The following BAG4 variants were observed in gnomAD, a reference collection of about 807,000 sequenced individuals.
BAG4 encodes the protein BAG cochaperone 4, also known as BAG family molecular chaperone regulator 4.
A neutral mutation model predicts 52.1 loss-of-function variants in BAG4; 28 were observed. The observed-to-expected ratio is 0.54, with a 90% CI of 0.40 to 0.74. The LOEUF (loss-of-function observed/expected upper bound fraction) is 0.74. Among genes scored for constraint, BAG4 ranks in the 30% least tolerant of loss-of-function variants. BAG4 has a pLI of 0.00. For synonymous variants in BAG4, 208 were observed against 217.0 expected (o/e 0.96, Z 0.37); for missense variants, 525 against 572.0 (o/e 0.92, Z 0.84).
At chr8:38,199,460 C>T (rs1803621196) in intron 2 of BAG4, among the ~76,000 whole-genome samples, 1 of 150,390 alleles carries the variant, frequency 6.6e-6, no homozygotes, top group Admixed American at 6.6e-5. Context: ...GTTGCTCCTG[C>T]TTTTGATGTC....
intron 1 of BAG4, among the ~76,000 whole-genome samples, chr8:38,182,970 A>C (rs1430750672): frequency 6.7e-6 from 1 of 149,164 alleles, no homozygotes; most frequent in Non-Finnish European, 1.5e-5. Flanking sequence ...AGTTTTGATA[A>C]ATACATACAA....
At position 38,186,717 on chromosome 8, in the gene BAG4, T is replaced by G. The variant is rs1263540247; in HGVS notation, c.271-5971T>G. ...CTGTGGAGCAATTTATGCCTCAGGG[T>G]GTTATTAAAACCAGTAGAGCAATCA... On this transcript the variant is annotated intron_variant, in intron 1 of 4. Coordinates refer to ENST00000287322, the MANE Select transcript of BAG4 (RefSeq NM_004874.4). 2.0e-5 allele frequency among the ~76,000 whole-genome samples: 3 copies of G among 152,162 alleles called. No homozygotes were observed. In the East Asian group the frequency reaches 5.8e-4, roughly 29 times the overall value.
intron 1 of BAG4, among the ~76,000 whole-genome samples, chr8:38,187,951 G>T (rs543255934): frequency 1.3e-5 from 2 of 149,920 alleles, no homozygotes; most frequent in Admixed American, 1.3e-4. Context: ...GCAGGAGAAT[G>T]GCATGAACCC....
intron 1 of BAG4, 148 bp downstream of exon 1, chr8:38,177,287 T>TG (rs1803177323): frequency 2.8e-6 from 3 of 1,079,680 alleles, no homozygotes; most frequent in Admixed American, 3.0e-5. Flanking sequence ...GATCAGAGGT[T>TG]GGGGGGACAT....
At position 38,213,060 on chromosome 8, in the gene BAG4, A is replaced by G. The variant is rs967918302; in HGVS notation, c.*2567A>G. On this transcript the variant is annotated 3_prime_UTR_variant, in exon 5 of 5. Coordinates refer to ENST00000287322, the MANE Select transcript of BAG4 (RefSeq NM_004874.4). ...CATGTTAAAATTATTCCAAATACCA[A>G]TATCAAAGAAAACTAAGTTGGTAAT... 1.4e-4 allele frequency: 21 copies of G among 152,234 alleles called. No homozygotes were observed. The highest frequency in any genetic ancestry group is 2.4e-4 in the Non-Finnish European group (16 of 68,032). 9.4% of individuals were successfully genotyped at this position (152,234 alleles called of 1,614,324 possible). A position where few individuals can be genotyped will look rare whatever the true frequency, so the allele number is the denominator to read the frequency against.
At chr8:38,178,320 A>G (rs747889870) in intron 1 of BAG4, among the ~76,000 whole-genome samples, 9 of 152,064 alleles carry the variant, frequency 5.9e-5, no homozygotes, top group Non-Finnish European at 1.3e-4. Flanking sequence ...ACACCCGGCT[A>G]ATTTTTGTAT....
At chr8:38,196,237 T>G (rs1193518808) in intron 2 of BAG4, among the ~76,000 whole-genome samples, 1 of 152,198 alleles carries the variant, frequency 6.6e-6, no homozygotes, top group Non-Finnish European at 1.5e-5. Flanking sequence ...TAACCCTATA[T>G]GTATCAATTT....
chr8:38,195,162 T>C (rs916860589), intron 2 of BAG4, among the ~76,000 whole-genome samples: 1 of 151,900 alleles, frequency 6.6e-6, no homozygotes, highest in Admixed American at 6.6e-5. Context: ...CTTTTGTTTG[T>C]TTTTTTGAGA....
chr8:38,198,166 C>T lies in BAG4; in HGVS notation c.378+5371C>T, dbSNP rs950460534. Among the ~76,000 whole-genome samples the T allele has an allele frequency of 3.3e-5, 5 of 151,588 alleles. No individual in the cohort carries two copies. The East Asian group carries it at 5.9e-4, about 18-fold the overall frequency. ...TTGGGAGGCCAAGGCGGGCAGATCACGAGGTCAGGAAATCGAGACCATCCT... is the reference window on the plus strand; with the variant it reads ...TTGGGAGGCCAAGGCGGGCAGATCATGAGGTCAGGAAATCGAGACCATCCT... On this transcript the variant is annotated intron_variant, in intron 2 of 4. Transcript: ENST00000287322.
rs536608367 is a variant in BAG4, at chr8:38,188,879, C to T, written c.271-3809C>T. Among the ~76,000 whole-genome samples the T allele has an allele frequency of 1.5e-4, 23 of 151,492 alleles. No homozygotes were observed. The East Asian group carries it at 2.3e-3, about 15-fold the overall frequency. On this transcript the variant is annotated intron_variant, in intron 1 of 4. Transcript: ENST00000287322. ...CACGATCTTGGCTCACTGCAACCTC[C>T]GCCTCCCAGGTTCAAGCAATTTTCC... is the stretch of plus-strand genomic sequence containing the variant.
chr8:38,191,748 G>A (rs1171925373), intron 1 of BAG4, among the ~76,000 whole-genome samples: 7 of 101,338 alleles, frequency 6.9e-5, no homozygotes, highest in Admixed American at 1.5e-4. Flanking sequence ...CAACAAGAGC[G>A]AAACTCTGTC....
chr8:38,195,389 A>G (rs1803547049), intron 2 of BAG4, among the ~76,000 whole-genome samples: 1 of 152,104 alleles, frequency 6.6e-6, no homozygotes, highest in Non-Finnish European at 1.5e-5. Flanking sequence ...CCTGGGCTCA[A>G]GAGATCCTCC....
At chr8:38,183,247 C>A (rs1025950313) in intron 1 of BAG4, among the ~76,000 whole-genome samples, 2 of 151,920 alleles carry the variant, frequency 1.3e-5, no homozygotes. Context: ...TGGGGTTTCA[C>A]CATGTTAGCC....
chr8:38,195,966 T>A (rs1803553938), intron 2 of BAG4, among the ~76,000 whole-genome samples: 1 of 152,212 alleles, frequency 6.6e-6, no homozygotes, highest in Non-Finnish European at 1.5e-5. Flanking sequence ...CTCTCAGGAT[T>A]TTTCTAACCA....
At chr8:38,199,817 C>T (rs991961218) in intron 2 of BAG4, among the ~76,000 whole-genome samples, 1 of 152,000 alleles carries the variant, frequency 6.6e-6, no homozygotes, top group African/African-American at 2.4e-5. Flanking sequence ...GCCACTGCGC[C>T]CAGCCCGATT....
At chr8:38,204,847 T>C (rs975715350) in intron 2 of BAG4, among the ~76,000 whole-genome samples, 2 of 152,158 alleles carry the variant, frequency 1.3e-5, no homozygotes, top group Admixed American at 6.6e-5. Flanking sequence ...ATTTCAGATA[T>C]CATTTTATCA....
intron 2 of BAG4, among the ~76,000 whole-genome samples, chr8:38,195,079 C>T (rs1803543177): frequency 6.6e-6 from 1 of 151,804 alleles, no homozygotes; most frequent in African/African-American, 2.4e-5. Flanking sequence ...TGGTCTTGAT[C>T]TCCTGACCTC....
chr8:38,192,418 G>T (rs1383234877), intron 1 of BAG4, among the ~76,000 whole-genome samples: 1 of 152,094 alleles, frequency 6.6e-6, no homozygotes, highest in African/African-American at 2.4e-5. Flanking sequence ...CAGTTTTATA[G>T]TTGGGGTCCT....
In BAG4 at chr8:38,209,075, A is replaced by G; in HGVS notation, c.696A>G (p.Ser232=). 1 of 1,614,168 alleles carries G rather than the reference A, an allele frequency of 6.2e-7. No individual in the cohort carries two copies. The highest frequency in any genetic ancestry group is 8.5e-7 in the Non-Finnish European group (1 of 1,180,028). Residue 232 remains serine, a synonymous_variant, in exon 4 of 5, where the codon TCA becomes TCG. Coordinates refer to ENST00000287322, the MANE Select transcript of BAG4 (RefSeq NM_004874.4). ...ATGGTAATCGTAGTGTTCCACAATC[A>G]GGACCGACTGTACGACCACAAGAAG... ...YGDGNRSVPQ[S]GPTVRPQEDA...
Sources: allele counts gnomAD v4.1 joint callset (sites outside exome capture counted in the v4.1 genomes callset), GRCh38; gene constraint gnomAD v4.1.1; transcripts MANE v1.5; gene names NCBI Gene and HGNC (gene_info 2026-07-23, HGNC 2026-07-21).